The following TG variants were observed in gnomAD, a reference collection of about 807,000 sequenced individuals.
TG encodes the protein thyroglobulin, also known as thyroid hormones.
A neutral mutation model predicts 324.7 loss-of-function variants in TG; 270 were observed. That is an observed-to-expected ratio of 0.83 (90% CI 0.75 to 0.92). TG has a LOEUF of 0.92. TG is among the 40% of genes least tolerant of loss of function. The pLI, the probability that TG is intolerant of heterozygous loss-of-function variation, is 0.00. For synonymous variants in TG, 1,401 were observed against 1,327.0 expected (o/e 1.06, Z -1.21); for missense variants, 3,591 against 3,456.4 (o/e 1.04, Z -0.98).
chr8:132,957,768 C>CACACACACACACACACAG (rs1397741550), intron 27 of TG, among the ~76,000 whole-genome samples: 14 of 145,008 alleles, frequency 9.7e-5, no homozygotes, highest in African/African-American at 4.0e-4. Context: ...CACACACACA[C>CACACACACACACACACAG]ACACACACAC....
intron 27 of TG, among the ~76,000 whole-genome samples, chr8:132,957,303 A>T (rs990437524): frequency 6.6e-6 from 1 of 152,128 alleles, no homozygotes; most frequent in African/African-American, 2.4e-5. Flanking sequence ...AACAGGCAAA[A>T]ACCAAGGATG....
At chr8:133,040,998 C>G (rs1436263965) in intron 41 of TG, among the ~76,000 whole-genome samples, 3 of 152,244 alleles carry the variant, frequency 2.0e-5, no homozygotes. Context: ...TACGATGTAG[C>G]TTCCGTCTCT....
chr8:133,017,561 C>G, intron 37 of TG: 1 of 597,652 alleles, frequency 1.7e-6, no homozygotes, highest in Non-Finnish European at 3.0e-6. Context: ...ATTTTGGTGC[C>G]TAATAAAGAT....
intron 26 of TG, 97 bp downstream of exon 26, chr8:132,941,639 C>A (rs1029713955): frequency 3.6e-6 from 5 of 1,407,882 alleles, no homozygotes; most frequent in Non-Finnish European, 5.0e-6. Flanking sequence ...ATGGGGAGTA[C>A]AGTGTGAGTG....
At chr8:133,008,948 C>T (rs1834257279) in intron 35 of TG, among the ~76,000 whole-genome samples, 1 of 152,214 alleles carries the variant, frequency 6.6e-6, no homozygotes, top group Non-Finnish European at 1.5e-5. Context: ...TCATGAGATA[C>T]TTGTGGACCT....
intron 27 of TG, among the ~76,000 whole-genome samples, chr8:132,951,529 CAAGA>C (rs925118115): frequency 3.3e-5 from 5 of 152,154 alleles, no homozygotes; most frequent in Admixed American, 3.3e-4. Flanking sequence ...GATATGTGCC[CAAGA>C]AATGAGGACT....
intron 41 of TG, among the ~76,000 whole-genome samples, chr8:133,035,118 G>A (rs1836970732): frequency 6.6e-6 from 1 of 151,936 alleles, no homozygotes. Context: ...AGCTTCTTAA[G>A]TTGAAAGTTA....
At chr8:133,029,695 C>G in intron 40 of TG, 126 bp from the exon 41 acceptor site, 1 of 1,130,906 alleles carries the variant, frequency 8.8e-7, no homozygotes, top group South Asian at 1.3e-5. Context: ...ACAGTCTCTA[C>G]CTGTGAGGAC....
At chr8:132,872,679 T>C (rs1839605532) in intron 4 of TG, among the ~76,000 whole-genome samples, 1 of 152,130 alleles carries the variant, frequency 6.6e-6, no homozygotes, top group Non-Finnish European at 1.5e-5. Flanking sequence ...GCTCCGTTCA[T>C]GGTAAGTACC....
chr8:132,878,631 A>C lies in TG; in HGVS notation c.639-3232A>C, dbSNP rs558535503. Among the ~76,000 whole-genome samples, 36 of 151,602 alleles carry C rather than the reference A, an allele frequency of 2.4e-4. 1 individual carries two copies. The highest frequency in any genetic ancestry group is 3.4e-3 in the Middle Eastern group (1 of 292). On this transcript the variant is annotated intron_variant, in intron 5 of 47. Coordinates refer to ENST00000220616, the MANE Select transcript of TG (RefSeq NM_003235.5). The stretch of plus-strand genomic sequence containing the variant: ...CTCAAAAAAAAAAAACAAAAAAAAA[A>C]CAAAAAGTGTCTCCAGGTGCTGTAT...
Position 132,901,461 on chromosome 8 carries a change from G to C in TG, c.3542G>C (p.Cys1181Ser). The C allele has an allele frequency of 6.2e-7, 1 of 1,614,226 alleles. No individual in the cohort carries two copies. Among genetic ancestry groups the C allele is most frequent in the Non-Finnish European group, 8.5e-7 (1 of 1,180,050 alleles). ...AEDGGFSPVQCDQAQGSCWCV... is the reference protein window; with the variant it reads ...AEDGGFSPVQSDQAQGSCWCV... ...GATGGGGGCTTTTCCCCAGTGCAAT[G>C]TGACCAGGCCCAGGGCAGCTGCTGG... is the stretch of plus-strand genomic sequence containing the variant. Residue 1181 changes from cysteine (C) to serine (S), a missense_variant, in exon 16 of 48, where the codon TGT (cysteine) becomes TCT (serine). By Grantham distance (112) the Cys-to-Ser change is moderately radical. Transcript: ENST00000220616.
In TG at chr8:133,096,339, A is replaced by G. The variant is rs764074852; in HGVS notation, c.7538A>G (p.Asp2513Gly). 6.2e-7 allele frequency: 1 copy of G among 1,614,084 alleles called. No individual in the cohort carries two copies. The highest frequency in any genetic ancestry group is 1.3e-5 in the African/African-American group (1 of 74,932). ...GATCTGCTCATTGGGAGTTCTCAGG[A>G]CGACGGGCTCATCAACAGAGCAAAG... The part of the protein sequence containing the change: ...EVDLLIGSSQ[D>G]DGLINRAKAV... Residue 2513 changes from aspartate (D) to glycine (G), a missense_variant, in exon 43 of 48, where the codon GAC becomes GGC. Coordinates refer to ENST00000220616, the MANE Select transcript of TG (RefSeq NM_003235.5).
intron 16 of TG, among the ~76,000 whole-genome samples, chr8:132,904,058 C>T (rs1029979062): frequency 1.3e-5 from 2 of 152,218 alleles, no homozygotes; most frequent in Non-Finnish European, 2.9e-5. Flanking sequence ...CTCCAGTGGG[C>T]ATTAGCCTGG....
chr8:132,994,182 G>A (rs569341566), intron 35 of TG, among the ~76,000 whole-genome samples: 2 of 152,276 alleles, frequency 1.3e-5, no homozygotes, highest in South Asian at 4.1e-4. Flanking sequence ...CAGTTGCCTT[G>A]AACAGGCAAC....
chr8:132,995,367 T>C (rs1832773793), intron 35 of TG: 2 of 984,996 alleles, frequency 2.0e-6, no homozygotes, highest in Admixed American at 1.2e-4. Flanking sequence ...CAGACACAGG[T>C]CTCTAACGTG....
At chr8:133,028,679 C>T (rs1836334456) in intron 40 of TG, among the ~76,000 whole-genome samples, 1 of 152,298 alleles carries the variant, frequency 6.6e-6, no homozygotes, top group Admixed American at 6.5e-5. Flanking sequence ...TGAACTTGTC[C>T]AGGGCCCCTC....
intron 35 of TG, among the ~76,000 whole-genome samples, chr8:133,008,582 G>A (rs1834224095): frequency 6.6e-6 from 1 of 152,196 alleles, no homozygotes; most frequent in Admixed American, 6.5e-5. Flanking sequence ...CTTTGGGTGA[G>A]CTTGGAAGCT....
chr8:133,023,048 A>C (rs1835698983), intron 40 of TG, among the ~76,000 whole-genome samples: 1 of 152,194 alleles, frequency 6.6e-6, no homozygotes, highest in African/African-American at 2.4e-5. Flanking sequence ...CTGTTTCCCA[A>C]GGGTCTCATT....
At chr8:132,869,637 T>G (rs1301334272) in intron 2 of TG, 92 bp from the exon 3 acceptor site, 1 of 1,133,914 alleles carries the variant, frequency 8.8e-7, no homozygotes, top group Admixed American at 1.8e-5. Context: ...CTTGCAAGAA[T>G]GGAAATGAAG....
Sources: gnomAD v4.1 joint callset for allele counts (sites outside exome capture counted in the v4.1 genomes callset) on GRCh38, gnomAD v4.1.1 for gene constraint, MANE v1.5 for transcripts, NCBI Gene and HGNC (gene_info 2026-07-23, HGNC 2026-07-21) for gene names.